TMEM181: variants seen among roughly 807,000 people sequenced by gnomAD.
The protein encoded by TMEM181 is transmembrane protein 181.
A neutral mutation model predicts 71.9 loss-of-function variants in TMEM181; 39 were observed. The ratio of observed to expected loss-of-function variants is 0.54; its 90% CI spans 0.42 to 0.71. TMEM181 has a LOEUF of 0.71. Ranked by LOEUF, TMEM181 falls within the 30% of genes least tolerant of loss-of-function variation. TMEM181 has a pLI of 0.00. For missense variants in TMEM181, 595 were observed against 583.0 expected (o/e 1.02, Z -0.21); for synonymous variants, 245 against 228.8 (o/e 1.07, Z -0.64).
chr6:158,629,499 A>C (rs1160466320), intron 14 of TMEM181, among the ~76,000 whole-genome samples: 1 of 152,026 alleles, frequency 6.6e-6, no homozygotes, highest in Non-Finnish European at 1.5e-5. Context: ...GTTTCCACTG[A>C]TGTGAGAGGC....
At chr6:158,616,158 G>A (rs1166289839) in intron 10 of TMEM181, among the ~76,000 whole-genome samples, 10 of 151,926 alleles carry the variant, frequency 6.6e-5, no homozygotes, top group Non-Finnish European at 1.3e-4. Flanking sequence ...CTTTTATTTC[G>A]TTGAGCAGTG....
In TMEM181 at chr6:158,620,074, C is replaced by G. The variant is rs1016706431; in HGVS notation, c.897-3476C>G. On this transcript the variant is annotated intron_variant, in intron 10 of 16. Coordinates refer to ENST00000684151, the MANE Select transcript of TMEM181 (RefSeq NM_001376852.1). This position sits in a 1 kb window ranked among gnomAD's most constrained non-coding sequence, Gnocchi z 4.5. Reference sequence around the variant, plus strand: ...TATCTTGTTTGTATTGGGACCAGGCCATATTGCAATAAAAAACTAAACACT... The same window carrying G: ...TATCTTGTTTGTATTGGGACCAGGCGATATTGCAATAAAAAACTAAACACT... Among the ~76,000 whole-genome samples, 1 of 152,046 alleles carries G rather than the reference C, an allele frequency of 6.6e-6. No homozygotes were observed. The highest frequency in any genetic ancestry group is 1.5e-5 in the Non-Finnish European group (1 of 68,020).
At chr6:158,626,585 C>T in intron 13 of TMEM181, 1 of 456,752 alleles carries the variant, frequency 2.2e-6, no homozygotes, top group Non-Finnish European at 4.4e-6. Flanking sequence ...CCAAGGTCGT[C>T]CACCACCACT....
At chr6:158,570,271 C>T (rs1193910671) in intron 1 of TMEM181, among the ~76,000 whole-genome samples, 7 of 147,500 alleles carry the variant, frequency 4.7e-5, no homozygotes, top group African/African-American at 1.3e-4. Context: ...CTTGCTCTGT[C>T]GCCCAGGCTG....
intron 11 of TMEM181, among the ~76,000 whole-genome samples, chr6:158,624,338 A>C (rs567366068): frequency 6.6e-6 from 1 of 152,090 alleles, no homozygotes; most frequent in Non-Finnish European, 1.5e-5. Context: ...GGTGCTTTTG[A>C]GAAAAATGAT....
intron 15 of TMEM181, 120 bp downstream of exon 15, chr6:158,629,939 CTT>C: frequency 2.4e-6 from 2 of 833,036 alleles, no homozygotes; most frequent in South Asian, 1.4e-5. Context: ...AGTGACTTCT[CTT>C]GGCAGAGAGA....
rs991658389 is a variant in TMEM181 at position 158,620,188 on chromosome 6, G to T, written c.897-3362G>T. The stretch of plus-strand genomic sequence containing the variant: ...AGGCGTGGGAATGTGGGATGGTTTG[G>T]CACCATGTGGGCTGGTGAGAGGAGG... On this transcript the variant is annotated intron_variant, in intron 10 of 16. Transcript: ENST00000684151. The surrounding 1 kb of genome is among the most constrained non-coding windows in gnomAD (Gnocchi z 4.5). 6.6e-6 allele frequency among the ~76,000 whole-genome samples: 1 copy of T among 152,128 alleles called. No individual in the cohort carries two copies. The highest frequency in any genetic ancestry group is 1.5e-5 in the Non-Finnish European group (1 of 68,016).
chr6:158,599,301 A>C (rs945214818), intron 6 of TMEM181, among the ~76,000 whole-genome samples: 1 of 152,168 alleles, frequency 6.6e-6, no homozygotes, highest in African/African-American at 2.4e-5. Flanking sequence ...TTAATCAGGG[A>C]GGAGTGGCCC....
At chr6:158,629,154 C>T (rs2128332138) in intron 14 of TMEM181, among the ~76,000 whole-genome samples, 1 of 152,302 alleles carries the variant, frequency 6.6e-6, no homozygotes, top group Admixed American at 6.5e-5. Context: ...TTGTTGGGGA[C>T]ACTTCAAGAG....
In TMEM181 at chr6:158,620,305, C is replaced by T. The variant is rs899163617; in HGVS notation, c.897-3245C>T. ...ACAGTTAAGCTGAGAAGAAACTGGG[C>T]GCCCCCAAGATGTCCTCTAGCTTAG... On this transcript the variant is annotated intron_variant, in intron 10 of 16. Transcript: ENST00000684151. This position sits in a 1 kb window ranked among gnomAD's most constrained non-coding sequence, Gnocchi z 4.5. Among the ~76,000 whole-genome samples the T allele has an allele frequency of 2.6e-4, 40 of 152,208 alleles. No individual in the cohort carries two copies. The highest frequency in any genetic ancestry group is 6.7e-4 in the African/African-American group (28 of 41,538).
chr6:158,630,187 C>T (rs1444803200), intron 15 of TMEM181, among the ~76,000 whole-genome samples: 1 of 152,196 alleles, frequency 6.6e-6, no homozygotes, highest in Non-Finnish European at 1.5e-5. Flanking sequence ...GTACAGCATT[C>T]AGCAAATTCA....
intron 1 of TMEM181, among the ~76,000 whole-genome samples, chr6:158,550,393 C>G (rs1181762934): frequency 2.0e-5 from 3 of 151,498 alleles, no homozygotes; most frequent in Non-Finnish European, 2.9e-5. Context: ...CGCGGTGGCT[C>G]ATGCCTGTAA....
intron 6 of TMEM181, among the ~76,000 whole-genome samples, chr6:158,599,862 C>T (rs1784574557): frequency 6.6e-6 from 1 of 152,264 alleles, no homozygotes; most frequent in East Asian, 1.9e-4. Flanking sequence ...GTCAGCTGGG[C>T]TGGCCCAGGA....
chr6:158,613,638 C>G (rs1252290624), intron 10 of TMEM181, among the ~76,000 whole-genome samples: 8 of 152,154 alleles, frequency 5.3e-5, no homozygotes, highest in Non-Finnish European at 1.2e-4. Context: ...CTTCCTAAGT[C>G]AAGTTCGATT....
In TMEM181 at chr6:158,620,829, A is replaced by T. The variant is rs1785912713; in HGVS notation, c.897-2721A>T. Among the ~76,000 whole-genome samples the T allele has an allele frequency of 6.6e-6, 1 of 152,188 alleles. No individual in the cohort carries two copies. The highest frequency in any genetic ancestry group is 2.4e-5 in the African/African-American group (1 of 41,440). Reference sequence around the variant, plus strand: ...CATCTGTCCCGGGTTTCAGCACCAAATGTAAGTGTTAAAGAGGAAAGAAAC... The same window carrying T: ...CATCTGTCCCGGGTTTCAGCACCAATTGTAAGTGTTAAAGAGGAAAGAAAC... On this transcript the variant is annotated intron_variant, in intron 10 of 16. Coordinates refer to ENST00000684151, the MANE Select transcript of TMEM181 (RefSeq NM_001376852.1). This position sits in a 1 kb window ranked among gnomAD's most constrained non-coding sequence, Gnocchi z 4.5.
intron 1 of TMEM181, among the ~76,000 whole-genome samples, chr6:158,567,084 G>A (rs986221471): frequency 6.6e-6 from 1 of 152,240 alleles, no homozygotes; most frequent in Non-Finnish European, 1.5e-5. Context: ...GCCTTTGACA[G>A]ATCTTCCAAG....
chr6:158,556,612 T>G (rs553313917), upstream of TMEM181, among the ~76,000 whole-genome samples: 1 of 152,312 alleles, frequency 6.6e-6, no homozygotes, highest in African/African-American at 2.4e-5. Flanking sequence ...GACAGGCAGT[T>G]ACTGGGCAGA....
chr6:158,626,952 CCTCA>C (rs1786331697), intron 13 of TMEM181, among the ~76,000 whole-genome samples: 2 of 137,906 alleles, frequency 1.5e-5, no homozygotes, highest in South Asian at 2.5e-4. Context: ...TCACCCTCAC[CCTCA>C]CTCACACCCT....
Position 158,607,231 on chromosome 6 carries a change from A to G in TMEM181, c.574-13A>G. On this transcript the variant is annotated splice_polypyrimidine_tract_variant and intron_variant, in intron 7 of 16. Coordinates refer to ENST00000684151, the MANE Select transcript of TMEM181 (RefSeq NM_001376852.1). ...AGCAAAGGCAGTAACTGGAGGCCTG[A>G]TTTGGTTTGCAGTGCCTGTTTGCGC... 1.2e-6 allele frequency: 2 copies of G among 1,611,658 alleles called. No individual in the cohort carries two copies. Among genetic ancestry groups the G allele is most frequent in the Non-Finnish European group, 1.7e-6 (2 of 1,177,984 alleles).
Sources: allele counts gnomAD v4.1 joint callset (sites outside exome capture counted in the v4.1 genomes callset), GRCh38; gene constraint gnomAD v4.1.1; non-coding constraint Gnocchi (gnomAD v3.1); transcripts MANE v1.5; gene names NCBI Gene and HGNC (gene_info 2026-07-23, HGNC 2026-07-21).